Variants in DLGAP1 observed in about 807,000 individuals in gnomAD.
DLGAP1 encodes the protein DLG associated protein 1, also known as disks large-associated protein 1.
DLGAP1 carries 11 observed loss-of-function variants against 90.8 expected under a neutral mutation model. That is an observed-to-expected ratio of 0.12 (90% confidence interval 0.08 to 0.20). DLGAP1 has a LOEUF of 0.20. Ranked by LOEUF, DLGAP1 falls within the 10% of genes least tolerant of loss-of-function variation. The probability of loss-of-function intolerance (pLI) is 1.00; values close to 1 mark genes in which losing one functional copy is unlikely to be tolerated. For synonymous variants in DLGAP1, 558 were observed against 540.7 expected, an observed-to-expected ratio of 1.03 and a Z score of -0.44; for missense variants, 1,050 against 1,333.8, an observed-to-expected ratio of 0.79 and a Z score of 3.31.
intron 9 of DLGAP1, among the ~76,000 whole-genome samples, chr18:3,549,539 G>A (rs963788515): frequency 3.3e-5 from 5 of 152,062 alleles, no homozygotes; most frequent in Non-Finnish European, 1.5e-5. Flanking sequence ...CAGCGTGTTG[G>A]TCAGGCTGAT....
intron 10 of DLGAP1, among the ~76,000 whole-genome samples, chr18:3,525,083 T>A (rs1250966893): frequency 2.1e-5 from 3 of 142,698 alleles, no homozygotes; most frequent in Non-Finnish European, 4.6e-5. Flanking sequence ...TCCACAGTGT[T>A]CTGGGGGAAA....
chr18:4,290,151 T>C (rs573677207), intron 1 of DLGAP1, among the ~76,000 whole-genome samples: 82 of 152,338 alleles, frequency 5.4e-4, no homozygotes, highest in Middle Eastern at 3.4e-3. Context: ...GTCTCTGTGC[T>C]TGTCACCAGG....
At chr18:3,510,381 C>A (rs1034804059) in intron 10 of DLGAP1, among the ~76,000 whole-genome samples, 1 of 152,236 alleles carries the variant, frequency 6.6e-6, no homozygotes, top group Non-Finnish European at 1.5e-5. Context: ...GAAACCTCTA[C>A]CTCTTCTATG....
In DLGAP1 at chr18:3,880,134, C is replaced by G. The variant is rs2071116715; in HGVS notation, c.-66G>C. 6.8e-7 allele frequency: 1 copy of G among 1,478,680 alleles called. No homozygotes were observed. Among genetic ancestry groups the G allele is most frequent in the South Asian group, 1.1e-5 (1 of 87,636 alleles). 91.6% of individuals were successfully genotyped at this position (1,478,680 alleles called of 1,614,324 possible). ...AGTCAGGCTCCAGACCCGTCTTGGG[C>G]AGGGATCTGGGGGAATGAAGAAAAG... On this transcript the variant is annotated 5_prime_UTR_variant, in exon 4 of 13. Coordinates refer to ENST00000315677, the MANE Select transcript of DLGAP1 (RefSeq NM_004746.4).
intron 1 of DLGAP1, among the ~76,000 whole-genome samples, chr18:4,164,327 C>G (rs112184675): frequency 0.029 from 4,380 of 152,128 alleles, 81 homozygotes; most frequent in Non-Finnish European, 0.046. Context: ...TTGAGATGAA[C>G]CAGATGGTTA....
At chr18:3,959,663 CAAAA>C (rs1035437885) in intron 3 of DLGAP1, among the ~76,000 whole-genome samples, 90 of 142,300 alleles carry the variant, frequency 6.3e-4, no homozygotes, top group African/African-American at 1.9e-3. Context: ...GACTCTGTCT[CAAAA>C]AAAAAGAAAG....
chr18:4,287,635 T>G (rs187544991), intron 1 of DLGAP1, among the ~76,000 whole-genome samples: 1 of 151,310 alleles, frequency 6.6e-6, no homozygotes, highest in Non-Finnish European at 1.5e-5. Context: ...TAAGTGGGAG[T>G]TGAACAATGA....
Position 4,404,595 on chromosome 18 carries a change from G to A in DLGAP1, c.-267+50411C>T, listed in dbSNP as rs376261924. 7.0e-4 allele frequency among the ~76,000 whole-genome samples: 106 copies of A among 152,288 alleles called. 1 individual carries two copies. In the South Asian group the frequency reaches 0.021, roughly 29 times the overall value. On this transcript the variant is annotated intron_variant, in intron 1 of 12. Transcript: ENST00000315677. ...ACATACATTACTGGGAAATAGCTTT[G>A]AGGGTTAAAATAAATCTAATGAATT... is the stretch of plus-strand genomic sequence containing the variant.
rs1017281165 is a variant in DLGAP1 at position 4,378,593 on chromosome 18, A to G, written c.-267+76413T>C. ...TCAACAAATAAAATCAAGCTCTTAG[A>G]GTGCTTAAGAATCCATGGTGGGGAG... On this transcript the variant is annotated intron_variant, in intron 1 of 12. Coordinates refer to ENST00000315677, the MANE Select transcript of DLGAP1 (RefSeq NM_004746.4). This position sits in a 1 kb window ranked among gnomAD's most constrained non-coding sequence, Gnocchi z 4.5. 3.3e-5 allele frequency among the ~76,000 whole-genome samples: 5 copies of G among 152,088 alleles called. No homozygotes were observed. The highest frequency in any genetic ancestry group is 9.7e-5 in the African/African-American group (4 of 41,436).
At chr18:3,714,599 C>T (rs2061697886) in intron 7 of DLGAP1, among the ~76,000 whole-genome samples, 1 of 150,818 alleles carries the variant, frequency 6.6e-6, no homozygotes, top group Non-Finnish European at 1.5e-5. Context: ...TTGACTGCCA[C>T]AGCATACTAA....
Position 3,745,729 on chromosome 18 carries a change from G to A in DLGAP1, c.1173-3217C>T, listed in dbSNP as rs186359688. Among the ~76,000 whole-genome samples the A allele has an allele frequency of 1.1e-3, 163 of 151,974 alleles. 2 individuals are homozygous for A. Among genetic ancestry groups the A allele is most frequent in the African/African-American group, 3.8e-3 (158 of 41,440 alleles). On this transcript the variant is annotated intron_variant, in intron 5 of 12. Coordinates refer to ENST00000315677, the MANE Select transcript of DLGAP1 (RefSeq NM_004746.4). ...TTTTGAGATGGAGTCTTGCTTTATT[G>A]CCCAGGCTGGAGTGCAGTAGTGCGA... is the stretch of plus-strand genomic sequence containing the variant.
chr18:4,393,467 C>T (rs916503944), intron 1 of DLGAP1, among the ~76,000 whole-genome samples: 2 of 152,178 alleles, frequency 1.3e-5, no homozygotes, highest in African/African-American at 4.8e-5. Flanking sequence ...GATTCTTTGT[C>T]ACATTTGGGT....
chr18:4,192,953 T>C (rs1224639031), intron 1 of DLGAP1, among the ~76,000 whole-genome samples: 1 of 152,236 alleles, frequency 6.6e-6, no homozygotes, highest in Non-Finnish European at 1.5e-5. Flanking sequence ...GAAAAAGACA[T>C]CTTAATCCAC....
intron 1 of DLGAP1, among the ~76,000 whole-genome samples, chr18:4,167,335 C>T (rs751000248): frequency 6.6e-6 from 1 of 151,908 alleles, no homozygotes; most frequent in Non-Finnish European, 1.5e-5. Context: ...CATGCAAACA[C>T]TAATTAAAAA....
intron 2 of DLGAP1, among the ~76,000 whole-genome samples, chr18:4,067,489 C>T (rs1009766183): frequency 2.0e-5 from 3 of 151,960 alleles, no homozygotes; most frequent in Non-Finnish European, 2.9e-5. Context: ...AGTTGACCAG[C>T]GTTAACATTA....
intron 9 of DLGAP1, among the ~76,000 whole-genome samples, chr18:3,554,773 T>C (rs2053657925): frequency 6.6e-6 from 1 of 152,214 alleles, no homozygotes; most frequent in Non-Finnish European, 1.5e-5. Flanking sequence ...AGTCTACTCC[T>C]TAATAGATCA....
At chr18:4,387,855 C>A (rs1676472) in intron 1 of DLGAP1, among the ~76,000 whole-genome samples, 3 of 151,468 alleles carry the variant, frequency 2.0e-5, no homozygotes, top group Admixed American at 6.6e-5. Flanking sequence ...CACTTGAACC[C>A]GGGAGGTGGA....
Position 4,385,397 on chromosome 18 carries a change from C to G in DLGAP1, c.-267+69609G>C, listed in dbSNP as rs1461847554. 2.6e-5 allele frequency among the ~76,000 whole-genome samples: 4 copies of G among 152,138 alleles called. No homozygotes were observed. The South Asian group carries it at 8.3e-4, about 31-fold the overall frequency. On this transcript the variant is annotated intron_variant, in intron 1 of 12. Coordinates refer to ENST00000315677, the MANE Select transcript of DLGAP1 (RefSeq NM_004746.4). ...ATGCCCTCCTCAGACCCCCTGAAAT[C>G]TGGGTCAAAACGGCATTAGATTGGA...
At chr18:3,597,074 T>G (rs745326619) in intron 7 of DLGAP1, 1 of 519,904 alleles carries the variant, frequency 1.9e-6, no homozygotes, top group East Asian at 5.5e-5. Flanking sequence ...TCTTCATTCT[T>G]TTCACTCCTC....
Sources: allele counts gnomAD v4.1 joint callset (sites outside exome capture counted in the v4.1 genomes callset), GRCh38; gene constraint gnomAD v4.1.1; non-coding constraint Gnocchi (gnomAD v3.1); transcripts MANE v1.5; gene names NCBI Gene and HGNC (gene_info 2026-07-23, HGNC 2026-07-21).